Variants in CDH4 observed in about 807,000 individuals in gnomAD.
The protein encoded by CDH4 is cadherin 4.
A neutral mutation model predicts 86.0 loss-of-function variants in CDH4; 33 were observed. The observed-to-expected ratio is 0.38, with a 90% confidence interval of 0.29 to 0.51. The LOEUF (loss-of-function observed/expected upper bound fraction) is 0.51. Among genes scored for constraint, CDH4 ranks in the 20% least tolerant of loss-of-function variants. The pLI, the probability that CDH4 is intolerant of heterozygous loss-of-function variation, is 0.86. For missense variants in CDH4, 1,114 were observed against 1,307.4 expected (o/e 0.85, Z 2.28); for synonymous variants, 555 against 549.4 (o/e 1.01, Z -0.14).
intron 4 of CDH4, among the ~76,000 whole-genome samples, chr20:61,806,632 C>T (rs1980150928): frequency 1.3e-5 from 2 of 152,168 alleles, no homozygotes; most frequent in Admixed American, 1.3e-4. Context: ...TAGCAGAGGC[C>T]GGACTGGAAT....
At chr20:61,545,889 GTGTTCGTAT>G (rs1347370325) in intron 2 of CDH4, among the ~76,000 whole-genome samples, 4 of 148,262 alleles carry the variant, frequency 2.7e-5, no homozygotes, top group Admixed American at 6.7e-5. Context: ...GATACGGTAT[GTGTTCGTAT>G]GTGTGTGTGT....
chr20:61,287,879 G>A (rs1313895145), intron 2 of CDH4, among the ~76,000 whole-genome samples: 4 of 152,160 alleles, frequency 2.6e-5, no homozygotes. Flanking sequence ...AAGCCGGGAG[G>A]ACAAGGCCAG....
chr20:61,781,931 C>T (rs148491825), intron 4 of CDH4, among the ~76,000 whole-genome samples: 1 of 152,324 alleles, frequency 6.6e-6, no homozygotes, highest in African/African-American at 2.4e-5. Context: ...CCTGCAGGCA[C>T]ACGCCAACAG....
rs145568741 is a variant in CDH4 at position 61,839,901 on chromosome 20, C to CTG, written c.577-4751_577-4750dup. Among the ~76,000 whole-genome samples the CTG allele has an allele frequency of 1.2e-3, 181 of 147,656 alleles. 1 individual carries two copies. Among genetic ancestry groups the CTG allele is most frequent in the Middle Eastern group, 3.5e-3 (1 of 286 alleles). On this transcript the variant is annotated intron_variant, in intron 4 of 15. Coordinates refer to ENST00000614565, the MANE Select transcript of CDH4 (RefSeq NM_001794.5). The stretch of plus-strand genomic sequence containing the variant: ...TGTGTGGTGTGTGTGTATGTGTGTA[C>CTG]TGTGTGTGTGTGTGTGTCATGTGTA...
At chr20:61,727,654 A>C (rs1187378211) in intron 2 of CDH4, among the ~76,000 whole-genome samples, 1 of 152,190 alleles carries the variant, frequency 6.6e-6, no homozygotes, top group Non-Finnish European at 1.5e-5. Context: ...GCAGAAGGCA[A>C]AGGAGACCAT....
chr20:61,818,737 C>T (rs1219315356), intron 4 of CDH4, among the ~76,000 whole-genome samples: 1 of 150,602 alleles, frequency 6.6e-6, no homozygotes, highest in Non-Finnish European at 1.5e-5. Flanking sequence ...CTTGTATGGG[C>T]CTAGGAGTGT....
chr20:61,390,438 G>A (rs377588149), intron 2 of CDH4, among the ~76,000 whole-genome samples: 16 of 142,442 alleles, frequency 1.1e-4, no homozygotes, highest in South Asian at 9.0e-4. Context: ...GGTGCCCATA[G>A]CACCATGTCT....
intron 2 of CDH4, among the ~76,000 whole-genome samples, chr20:61,547,306 G>A (rs928140195): frequency 2.1e-5 from 3 of 145,934 alleles, no homozygotes; most frequent in Non-Finnish European, 3.0e-5. Context: ...TCCACCTCCC[G>A]GGTTCACACC....
chr20:61,272,934 C>CGTGTGCAGTTTGGGGGAGTACT (rs2084191764), intron 2 of CDH4, among the ~76,000 whole-genome samples: 1 of 55,814 alleles, frequency 1.8e-5, no homozygotes, highest in Non-Finnish European at 3.2e-5. Context: ...GGGGGAGTAC[C>CGTGTGCAGTTTGGGGGAGTACT]GTGTGCAGTT....
intron 2 of CDH4, among the ~76,000 whole-genome samples, chr20:61,564,351 G>A (rs1221415426): frequency 6.6e-6 from 1 of 152,224 alleles, no homozygotes; most frequent in Non-Finnish European, 1.5e-5. Context: ...CTCATGCTGA[G>A]ATGTGATCCC....
intron 2 of CDH4, among the ~76,000 whole-genome samples, chr20:61,565,347 TC>T (rs2086284737): frequency 1.8e-5 from 1 of 56,994 alleles, no homozygotes; most frequent in Non-Finnish European, 3.8e-5. Flanking sequence ...GTAGTGGTCC[TC>T]TTGGTGATGG....
intron 2 of CDH4, among the ~76,000 whole-genome samples, chr20:61,651,036 C>G (rs375210058): frequency 6.6e-6 from 1 of 152,096 alleles, no homozygotes; most frequent in Non-Finnish European, 1.5e-5. Flanking sequence ...CGTGCTTGGC[C>G]GTGCACTGGT....
At chr20:61,783,811 A>G (rs79771270) in intron 4 of CDH4, among the ~76,000 whole-genome samples, 145 of 58,776 alleles carry the variant, frequency 2.5e-3, no homozygotes, top group African/African-American at 4.2e-3. Flanking sequence ...TGTGCCCCCA[A>G]GAGAAATGTA....
chr20:61,270,792 G>GT (rs1358814020), intron 2 of CDH4, among the ~76,000 whole-genome samples: 2 of 152,132 alleles, frequency 1.3e-5, no homozygotes, highest in African/African-American at 4.8e-5. Context: ...AGCTTCAAGT[G>GT]TTTTTTTGTC....
intron 2 of CDH4, among the ~76,000 whole-genome samples, chr20:61,296,152 G>A (rs1316180750): frequency 6.6e-6 from 1 of 152,086 alleles, no homozygotes; most frequent in Non-Finnish European, 1.5e-5. Flanking sequence ...TGGATGTGCT[G>A]GAACTTTAGA....
chr20:61,267,415 G>T (rs2123131903), intron 2 of CDH4, among the ~76,000 whole-genome samples: 1 of 152,292 alleles, frequency 6.6e-6, no homozygotes, highest in South Asian at 2.1e-4. Flanking sequence ...GAAGGTGTCT[G>T]CCGAATGTAA....
At chr20:61,629,837 G>C (rs2427199) in intron 2 of CDH4, among the ~76,000 whole-genome samples, 88,894 of 151,658 alleles carry the variant, frequency 0.59, 26,176 homozygotes, top group East Asian at 0.72. Context: ...CCGATGCGGC[G>C]CCTTCCTTAG....
intron 8 of CDH4, among the ~76,000 whole-genome samples, chr20:61,907,192 C>CT (rs2054799159): frequency 6.6e-6 from 1 of 152,116 alleles, no homozygotes. Flanking sequence ...CCCCCAGGCC[C>CT]CCCCGGGCAC....
chr20:61,773,264 G>A (rs543947554), intron 4 of CDH4, 82 bp downstream of exon 4: 2 of 1,354,326 alleles, frequency 1.5e-6, no homozygotes, highest in East Asian at 2.6e-5. Flanking sequence ...AGCCAGGGGC[G>A]GGTTCCGCGT....
Sources: gnomAD v4.1 joint callset for allele counts (sites outside exome capture counted in the v4.1 genomes callset) on GRCh38, gnomAD v4.1.1 for gene constraint, MANE v1.5 for transcripts, NCBI Gene and HGNC (gene_info 2026-07-23, HGNC 2026-07-21) for gene names.